AK8: variants seen among roughly 807,000 people sequenced by gnomAD.
AK8 encodes the protein adenylate kinase 8, also known as ATP-AMP transphosphorylase 8.
In AK8, 44 loss-of-function variants were observed where a neutral mutation model predicts 54.6. The ratio of observed to expected loss-of-function variants is 0.81; its 90% CI spans 0.63 to 1.04. AK8 has a LOEUF of 1.04. AK8 is among the 50% of genes least tolerant of loss of function. AK8 has a pLI of 0.00. For synonymous variants in AK8, 239 were observed against 245.6 expected (o/e 0.97, Z 0.25); for missense variants, 555 against 613.6 (o/e 0.90, Z 1.01).
At chr9:132,792,318 T>C (rs1839977283) in intron 11 of AK8, among the ~76,000 whole-genome samples, 1 of 152,144 alleles carries the variant, frequency 6.6e-6, no homozygotes. Context: ...GATTTAAATA[T>C]AAAAATGAAA....
rs138266783 is a variant in AK8 at position 132,732,648 on chromosome 9, T to C, written c.1122-5114A>G. Among the ~76,000 whole-genome samples the C allele has an allele frequency of 4.9e-3, 751 of 152,242 alleles. 4 individuals carry two copies. The highest frequency in any genetic ancestry group is 0.017 in the African/African-American group (707 of 41,548). On this transcript the variant is annotated intron_variant, in intron 11 of 12. Transcript: ENST00000298545. ...AATGAAGTGGAAGCCCGGGGTTCCC[T>C]GGGGCCTGCACCCAAAGAGAGCGTA...
intron 9 of AK8, among the ~76,000 whole-genome samples, chr9:132,820,085 G>A (rs1484919103): frequency 6.7e-6 from 1 of 149,842 alleles, no homozygotes; most frequent in Non-Finnish European, 1.5e-5. Context: ...AGGAGTTGGA[G>A]GCTGCAGTGA....
chr9:132,783,048 C>A (rs1260481296), intron 11 of AK8, among the ~76,000 whole-genome samples: 1 of 152,290 alleles, frequency 6.6e-6, no homozygotes, highest in African/African-American at 2.4e-5. Flanking sequence ...GGTTATCTTA[C>A]CAGGAACAAG....
intron 9 of AK8, among the ~76,000 whole-genome samples, chr9:132,819,541 A>C (rs999135673): frequency 1.9e-4 from 29 of 152,216 alleles, no homozygotes; most frequent in Non-Finnish European, 7.3e-5. Flanking sequence ...GGATGATTGT[A>C]AAAAATTAAA....
At chr9:132,827,562 T>C (rs562226171) in intron 7 of AK8, 67 of 199,174 alleles carry the variant, frequency 3.4e-4, no homozygotes, top group African/African-American at 1.3e-3. Context: ...CTTGCTGAAC[T>C]GCCTGGTCTT....
rs28454520 is a variant in AK8 at position 132,778,431 on chromosome 9, C to T, written c.1121+14203G>A. Among the ~76,000 whole-genome samples the T allele has an allele frequency of 5.4e-3, 829 of 152,254 alleles. 12 individuals are homozygous for T. The highest frequency in any genetic ancestry group is 0.019 in the African/African-American group (778 of 41,538). ...TGGGCTGTTTATTATCCATAGTCCG[C>T]ATAAGGATCAGCTGCAGAAATAGTG... On this transcript the variant is annotated intron_variant, in intron 11 of 12. Transcript: ENST00000298545.
chr9:132,725,830 A>C lies in AK8; in HGVS notation c.1298T>G (p.Met433Arg). Residue 433 changes from methionine (M) to arginine (R), a missense_variant, in exon 13 of 13, where the codon ATG becomes AGG. Transcript: ENST00000298545. ...AGCTGAGTTCCTGTAGAACAGGTCC[A>C]TTTTCAGCTTGACCTGCTCTTCAGC... ...KDAEEQVKLK[M>R]DLFYRNSADL... 1 of 1,608,032 alleles carries C rather than the reference A, an allele frequency of 6.2e-7. No individual in the cohort carries two copies. The highest frequency in any genetic ancestry group is 8.5e-7 in the Non-Finnish European group (1 of 1,177,764).
At chr9:132,760,638 A>G (rs1838412822) in intron 11 of AK8, among the ~76,000 whole-genome samples, 1 of 151,984 alleles carries the variant, frequency 6.6e-6, no homozygotes, top group African/African-American at 2.4e-5. Context: ...ATGATGGGGG[A>G]ATCCTTGTCT....
At chr9:132,792,858 T>C (rs915148134) in intron 10 of AK8, 83 bp from the exon 11 acceptor site, 24 of 1,467,402 alleles carry the variant, frequency 1.6e-5, no homozygotes, top group Middle Eastern at 2.0e-4. Context: ...TGGCCATAGA[T>C]TGAGCTGCTG....
intron 11 of AK8, among the ~76,000 whole-genome samples, chr9:132,763,755 G>A (rs1838593480): frequency 6.6e-6 from 1 of 152,198 alleles, no homozygotes; most frequent in African/African-American, 2.4e-5. Flanking sequence ...CTGGTTTGGG[G>A]GGCTGCCCAA....
chr9:132,823,351 T>C lies in AK8; in HGVS notation c.758-15A>G. 6.2e-7 allele frequency: 1 copy of C among 1,613,454 alleles called. No individual in the cohort carries two copies. Among genetic ancestry groups the C allele is most frequent in the Non-Finnish European group, 8.5e-7 (1 of 1,179,632 alleles). ...ATAGGTCAGAGCTGGAAAGAGAGGA[T>C]ATGAGGATAATAAACCCAGGTCCTA... On this transcript the variant is annotated splice_polypyrimidine_tract_variant and intron_variant, in intron 8 of 12. Coordinates refer to ENST00000298545, the MANE Select transcript of AK8 (RefSeq NM_152572.3).
In AK8 at chr9:132,878,016, G is replaced by T; in HGVS notation, c.84+156C>A. 1 of 1,525,592 alleles carries T rather than the reference G, an allele frequency of 6.6e-7. No homozygotes were observed. The highest frequency in any genetic ancestry group is 8.9e-7 in the Non-Finnish European group (1 of 1,129,118). 94.5% of individuals were successfully genotyped at this position (1,525,592 alleles called of 1,614,324 possible). Reference sequence around the variant, plus strand: ...GCGTCCCCAGCTCGAGGGCCCCCTCGGGGTCACGGCGACACACGAATCGTA... The same window carrying T: ...GCGTCCCCAGCTCGAGGGCCCCCTCTGGGTCACGGCGACACACGAATCGTA... On this transcript the variant is annotated intron_variant, in intron 1 of 12. Transcript: ENST00000298545. The surrounding 1 kb of genome is among the most constrained non-coding windows in gnomAD (Gnocchi z 4.7).
intron 10 of AK8, among the ~76,000 whole-genome samples, chr9:132,793,527 C>T (rs1247723443): frequency 1.3e-5 from 2 of 152,204 alleles, no homozygotes; most frequent in African/African-American, 4.8e-5. Flanking sequence ...ACGCCCACTC[C>T]CCTTTCCCAA....
Position 132,837,837 on chromosome 9 carries a change from C to T in AK8, c.403-9111G>A, listed in dbSNP as rs559075415. On this transcript the variant is annotated intron_variant, in intron 5 of 12. Coordinates refer to ENST00000298545, the MANE Select transcript of AK8 (RefSeq NM_152572.3). This position sits in a 1 kb window ranked among gnomAD's most constrained non-coding sequence, Gnocchi z 4.3. Reference sequence around the variant, plus strand: ...TCACTGTGCTGTGCCCGGCACCTCACCAAGCCCTCAGAAGCCCTGCCTCGC... The same window carrying T: ...TCACTGTGCTGTGCCCGGCACCTCATCAAGCCCTCAGAAGCCCTGCCTCGC... Among the ~76,000 whole-genome samples the T allele has an allele frequency of 1.3e-5, 2 of 152,356 alleles. No homozygotes were observed. Among genetic ancestry groups the T allele is most frequent in the Non-Finnish European group, 2.9e-5 (2 of 68,040 alleles).
upstream of AK8, chr9:132,878,313 C>A: frequency 3.0e-6 from 4 of 1,321,696 alleles, no homozygotes; most frequent in Non-Finnish European, 3.9e-6. The surrounding 1 kb of genome is among the most constrained non-coding windows in gnomAD (Gnocchi z 4.7). Context: ...GCCGCGCCGA[C>A]TGCGTCATCA....
intron 11 of AK8, among the ~76,000 whole-genome samples, chr9:132,760,803 A>T (rs1225680409): frequency 6.6e-6 from 1 of 152,276 alleles, no homozygotes; most frequent in Middle Eastern, 3.4e-3. Flanking sequence ...ATTTTATCCA[A>T]TGCTTTGTCT....
chr9:132,739,222 G>A (rs1304503388), intron 11 of AK8, among the ~76,000 whole-genome samples: 2 of 151,656 alleles, frequency 1.3e-5, no homozygotes, highest in Admixed American at 6.6e-5. Flanking sequence ...GGCCGAGGCA[G>A]GTGGATTACC....
chr9:132,842,164 A>G (rs1471931087), intron 5 of AK8, among the ~76,000 whole-genome samples: 1 of 152,250 alleles, frequency 6.6e-6, no homozygotes, highest in Non-Finnish European at 1.5e-5. Flanking sequence ...CCTAGTGTTG[A>G]AACCATTATT....
chr9:132,854,777 T>G (rs1564440583), intron 5 of AK8, 80 bp downstream of exon 5: 2 of 1,481,766 alleles, frequency 1.3e-6, no homozygotes, highest in Non-Finnish European at 1.9e-6. Context: ...TCTGGTCATC[T>G]CTGGTCTTGG....
Sources: gnomAD v4.1 joint callset for allele counts (sites outside exome capture counted in the v4.1 genomes callset) on GRCh38, gnomAD v4.1.1 for gene constraint, Gnocchi (gnomAD v3.1) non-coding constraint, MANE v1.5 for transcripts, NCBI Gene and HGNC (gene_info 2026-07-23, HGNC 2026-07-21) for gene names.